The following CCSER1 variants were observed in gnomAD, a reference collection of about 807,000 sequenced individuals.
CCSER1 encodes serine-rich coiled-coil domain-containing protein 1.
A neutral mutation model predicts 82.0 loss-of-function variants in CCSER1; 41 were observed. That is an observed-to-expected ratio of 0.50 (90% CI 0.39 to 0.65). The LOEUF is 0.65. Among genes scored for constraint, CCSER1 ranks in the 30% least tolerant of loss-of-function variants. The pLI, the probability that CCSER1 is intolerant of heterozygous loss-of-function variation, is 0.00. For missense variants in CCSER1, 1,119 were observed against 1,064.2 expected (o/e 1.05, Z -0.72); for synonymous variants, 414 against 383.9 (o/e 1.08, Z -0.92).
At chr4:90,408,778 C>T (rs192283029) in intron 4 of CCSER1, among the ~76,000 whole-genome samples, 7 of 152,284 alleles carry the variant, frequency 4.6e-5, no homozygotes, top group Admixed American at 3.3e-4. Context: ...CAAAGCTGGA[C>T]GGACAATGAC....
In CCSER1 at chr4:90,849,744, G is replaced by A. The variant is rs372033251; in HGVS notation, c.2094+33899G>A. ...GCAGAGCTTGCAGTGAGCCGTGATCGTGCCACTGCACTCCAGCCTGGGCAA... is the reference window on the plus strand; with the variant it reads ...GCAGAGCTTGCAGTGAGCCGTGATCATGCCACTGCACTCCAGCCTGGGCAA... On this transcript the variant is annotated intron_variant, in intron 8 of 10. Transcript: ENST00000509176. Among the ~76,000 whole-genome samples, 473 of 148,046 alleles carry A rather than the reference G, an allele frequency of 3.2e-3. 3 individuals carry two copies. The highest frequency in any genetic ancestry group is 0.011 in the African/African-American group (447 of 39,850).
chr4:91,318,100 A>G (rs1002918563), intron 10 of CCSER1, among the ~76,000 whole-genome samples: 15 of 151,824 alleles, frequency 9.9e-5, no homozygotes, highest in African/African-American at 3.4e-4. Context: ...GTCATTGTAC[A>G]TGGCCCATGC....
chr4:90,553,774 A>C (rs915506636), intron 5 of CCSER1, among the ~76,000 whole-genome samples: 1 of 152,228 alleles, frequency 6.6e-6, no homozygotes, highest in African/African-American at 2.4e-5. Context: ...TGTACAGTGC[A>C]GAGTTGGATT....
chr4:90,638,067 G>A (rs1309597772), intron 6 of CCSER1, among the ~76,000 whole-genome samples: 3 of 151,972 alleles, frequency 2.0e-5, no homozygotes, highest in African/African-American at 7.3e-5. Context: ...AAATAGGTGC[G>A]GGATAACTCC....
At chr4:90,403,557 A>G (rs966781803) in intron 4 of CCSER1, among the ~76,000 whole-genome samples, 1 of 151,456 alleles carries the variant, frequency 6.6e-6, no homozygotes, top group African/African-American at 2.4e-5. Context: ...CTTATGATTG[A>G]TAATTGATAT....
intron 5 of CCSER1, among the ~76,000 whole-genome samples, chr4:90,527,100 G>A (rs1279549538): frequency 6.6e-6 from 1 of 152,104 alleles, no homozygotes; most frequent in African/African-American, 2.4e-5. Flanking sequence ...TGACAAATGG[G>A]ATCTAATTAA....
intron 5 of CCSER1, among the ~76,000 whole-genome samples, chr4:90,535,639 A>G (rs891278568): frequency 1.3e-5 from 2 of 152,200 alleles, no homozygotes; most frequent in African/African-American, 4.8e-5. Context: ...TGTAAGCACT[A>G]TAAGTACAGG....
intron 10 of CCSER1, among the ~76,000 whole-genome samples, chr4:91,179,643 T>G (rs1421803005): frequency 1.3e-5 from 2 of 152,240 alleles, no homozygotes; most frequent in South Asian, 2.1e-4. Context: ...GCCATGGCTT[T>G]CAGCTCCACG....
intron 1 of CCSER1, among the ~76,000 whole-genome samples, chr4:90,175,201 TACA>T (rs1732438978): frequency 6.6e-6 from 1 of 151,990 alleles, no homozygotes; most frequent in African/African-American, 2.4e-5. Context: ...TGATACAGGC[TACA>T]ACATGGGTGA....
At chr4:91,549,611 C>T (rs188794641) in intron 10 of CCSER1, among the ~76,000 whole-genome samples, 4 of 152,166 alleles carry the variant, frequency 2.6e-5, no homozygotes, top group Non-Finnish European at 4.4e-5. Flanking sequence ...CAGAGGCAAG[C>T]GGATCACTTG....
At chr4:90,751,532 G>T (rs1213182122) in intron 7 of CCSER1, among the ~76,000 whole-genome samples, 2 of 152,002 alleles carry the variant, frequency 1.3e-5, no homozygotes, top group South Asian at 2.1e-4. Flanking sequence ...AATATAAATA[G>T]TGATTTAAGA....
intron 1 of CCSER1, among the ~76,000 whole-genome samples, chr4:90,175,162 A>G (rs546144682): frequency 1.3e-5 from 2 of 152,142 alleles, no homozygotes; most frequent in African/African-American, 2.4e-5. Flanking sequence ...CAATGGAATA[A>G]TACTAAATGA....
At chr4:91,570,701 A>G (rs1763132935) in intron 10 of CCSER1, among the ~76,000 whole-genome samples, 1 of 152,142 alleles carries the variant, frequency 6.6e-6, no homozygotes, top group Non-Finnish European at 1.5e-5. Flanking sequence ...TGGCCCAGGA[A>G]ACCATTTTTC....
intron 10 of CCSER1, among the ~76,000 whole-genome samples, chr4:91,472,076 C>A (rs1757314154): frequency 6.6e-6 from 1 of 151,878 alleles, no homozygotes; most frequent in Admixed American, 6.6e-5. Context: ...ACTTGGCACA[C>A]ATGAAAAGAG....
chr4:90,437,008 A>C (rs1759102942), intron 4 of CCSER1, among the ~76,000 whole-genome samples: 1 of 151,840 alleles, frequency 6.6e-6, no homozygotes, highest in South Asian at 2.1e-4. Context: ...TTTTTAGTAG[A>C]GTTAGGGTTT....
At chr4:91,562,017 A>G (rs1161523372) in intron 10 of CCSER1, among the ~76,000 whole-genome samples, 1 of 151,426 alleles carries the variant, frequency 6.6e-6, no homozygotes, top group East Asian at 1.9e-4. Flanking sequence ...CAGGACTTGG[A>G]TGAACTGGAT....
intron 6 of CCSER1, among the ~76,000 whole-genome samples, chr4:90,644,847 C>T (rs962675020): frequency 2.6e-5 from 4 of 151,646 alleles, no homozygotes; most frequent in Non-Finnish European, 5.9e-5. Context: ...TTTGGGAGGC[C>T]GAGGCAGGCA....
At chr4:90,811,417 A>C (rs537339909) in intron 7 of CCSER1, among the ~76,000 whole-genome samples, 8 of 152,306 alleles carry the variant, frequency 5.3e-5, no homozygotes, top group African/African-American at 1.9e-4. Flanking sequence ...TTAGCTGTTA[A>C]ATTAGGAAGT....
At chr4:91,190,858 G>A (rs1581742706) in intron 10 of CCSER1, among the ~76,000 whole-genome samples, 1 of 152,018 alleles carries the variant, frequency 6.6e-6, no homozygotes. Context: ...AGGAATCTTG[G>A]AATTAGGTAA....
Sources: allele counts gnomAD v4.1 joint callset (sites outside exome capture counted in the v4.1 genomes callset), GRCh38; gene constraint gnomAD v4.1.1; transcripts MANE v1.5; gene names NCBI Gene and HGNC (gene_info 2026-07-23, HGNC 2026-07-21).